Variants in LRRC49 observed in about 807,000 individuals in gnomAD.
LRRC49 encodes leucine rich repeat containing 49, also known as leucine-rich repeat-containing protein 49.
In LRRC49, 50 loss-of-function variants were observed where a neutral mutation model predicts 83.3. The ratio of observed to expected loss-of-function variants is 0.60; its 90% CI spans 0.48 to 0.76. LRRC49 has a LOEUF of 0.76. Among genes scored for constraint, LRRC49 ranks in the 30% least tolerant of loss-of-function variants. The pLI, the probability that LRRC49 is intolerant of heterozygous loss-of-function variation, is 0.00. For missense variants in LRRC49, 704 were observed against 809.1 expected (o/e 0.87, Z 1.58); for synonymous variants, 286 against 283.3 (o/e 1.01, Z -0.10).
At chr15:70,869,677 C>T (rs1194748582) in intron 1 of LRRC49, among the ~76,000 whole-genome samples, 1 of 152,114 alleles carries the variant, frequency 6.6e-6, no homozygotes, top group African/African-American at 2.4e-5. Context: ...AGCAGCCCAC[C>T]CACACAGGCA....
Position 70,895,879 on chromosome 15 carries a change from T to C in LRRC49, c.136T>C (p.Ser46Pro). 1 of 1,611,666 alleles carries C rather than the reference T, an allele frequency of 6.2e-7. No homozygotes were observed. Among genetic ancestry groups the C allele is most frequent in the Non-Finnish European group, 8.5e-7 (1 of 1,178,922 alleles). Reference sequence around the variant, plus strand: ...ATTCAAGCTAAATAAAGACACATCGTCATTCCCCGGTAGACTTTTACAACA... The same window carrying C: ...ATTCAAGCTAAATAAAGACACATCGCCATTCCCCGGTAGACTTTTACAACA... ...VEFKLNKDTS[S>P]FPGRLLQHDL... Residue 46 changes from serine (S) to proline (P), a missense_variant, in exon 3 of 16, where the codon TCA (serine) becomes CCA (proline). By Grantham distance (74) the Ser-to-Pro change is moderately conservative. Coordinates refer to ENST00000260382, the MANE Select transcript of LRRC49 (RefSeq NM_017691.5).
At chr15:70,883,123 C>T (rs1013418848) in intron 2 of LRRC49, among the ~76,000 whole-genome samples, 1 of 152,126 alleles carries the variant, frequency 6.6e-6, no homozygotes, top group Admixed American at 6.5e-5. Flanking sequence ...GAATTCTGGT[C>T]AGCCAGAATG....
chr15:70,963,692 A>C (rs2036690151), intron 8 of LRRC49, 93 bp from the exon 9 acceptor site: 3 of 1,400,472 alleles, frequency 2.1e-6, no homozygotes, highest in Non-Finnish European at 2.9e-6. Flanking sequence ...TTTTTCTGTA[A>C]ATCTAAAACT....
At chr15:70,881,077 A>C (rs1319486156) in intron 2 of LRRC49, among the ~76,000 whole-genome samples, 1 of 152,154 alleles carries the variant, frequency 6.6e-6, no homozygotes, top group Non-Finnish European at 1.5e-5. Flanking sequence ...TTTAAAAAAC[A>C]AATTAGCTGG....
intron 13 of LRRC49, among the ~76,000 whole-genome samples, chr15:71,011,621 G>C (rs993015528): frequency 6.6e-6 from 1 of 152,086 alleles, no homozygotes; most frequent in Non-Finnish European, 1.5e-5. Context: ...AAAAAAGAAT[G>C]ATATTGCTTG....
rs1446412272 is a variant in LRRC49, at chr15:70,969,961, C to G, written c.921+6029C>G. ...GACTCCTGTCTTCCTATCTGAATAC[C>G]CTTTATTTCTTTCTCTTGCCTGATT... On this transcript the variant is annotated intron_variant, in intron 9 of 15. Transcript: ENST00000260382. Among the ~76,000 whole-genome samples the G allele has an allele frequency of 5.9e-5, 9 of 152,034 alleles. No homozygotes were observed. In the South Asian group the frequency reaches 1.0e-3, roughly 17 times the overall value.
chr15:70,893,591 G>T lies in LRRC49; in HGVS notation c.56G>T (p.Cys19Phe), dbSNP rs546360338. 3 of 1,607,830 alleles carry T rather than the reference G, an allele frequency of 1.9e-6. No homozygotes were observed. The highest frequency in any genetic ancestry group is 2.6e-6 in the Non-Finnish European group (3 of 1,176,124). Residue 19 changes from cysteine (C) to phenylalanine (F), a missense_variant, in exon 2 of 16, where the codon TGC (cysteine) becomes TTC (phenylalanine). Cys to Phe is a radical substitution (Grantham distance 205, BLOSUM62 -2). Around this residue, in one of 3 missense-constraint regions of LRRC49, gnomAD observed 261 missense variants for 330.5 expected, o/e 0.79. Coordinates refer to ENST00000260382, the MANE Select transcript of LRRC49 (RefSeq NM_017691.5). The stretch of plus-strand genomic sequence containing the variant: ...TTAATTTTTACATTTCAGGTGAACT[G>T]CGGGCTTCATCTGGTTATTCAAACA... ...VSGRAANNVN[C>F]GLHLVIQTSS...
chr15:71,049,660 G>T lies in LRRC49; in HGVS notation c.*48G>T, dbSNP rs2039962537. 7.7e-7 allele frequency: 1 copy of T among 1,299,046 alleles called. No homozygotes were observed. Among genetic ancestry groups the T allele is most frequent in the Non-Finnish European group, 1.1e-6 (1 of 906,586 alleles). 80.5% of individuals were successfully genotyped at this position (1,299,046 alleles called of 1,614,324 possible). A position where few individuals can be genotyped will look rare whatever the true frequency, so the allele number is the denominator to read the frequency against. ...ATTTTGGCAGTTTTATTTTTTGAAGGTTGAAAATATGCAGGTTATACATGT... is the reference window on the plus strand; with the variant it reads ...ATTTTGGCAGTTTTATTTTTTGAAGTTTGAAAATATGCAGGTTATACATGT... On this transcript the variant is annotated 3_prime_UTR_variant, in exon 16 of 16. Transcript: ENST00000260382.
chr15:70,898,239 T>C, intron 3 of LRRC49: 1 of 585,910 alleles, frequency 1.7e-6, no homozygotes, highest in Admixed American at 2.9e-5. Flanking sequence ...ATTATACTTC[T>C]TAACACTTTG....
chr15:71,008,621 A>G lies in LRRC49; in HGVS notation c.1407+5A>G. 1 of 1,595,370 alleles carries G rather than the reference A, an allele frequency of 6.3e-7. No homozygotes were observed. ...ATTAAGTTTCCTAATTCTCTGGTAA[A>G]TATTTCCTTTTAGTAGTATATTTGA... On this transcript the variant is annotated splice_donor_5th_base_variant and intron_variant, in intron 12 of 15. Transcript: ENST00000260382.
chr15:70,999,993 A>G (rs537618142), intron 11 of LRRC49, among the ~76,000 whole-genome samples: 11 of 152,296 alleles, frequency 7.2e-5, no homozygotes, highest in Middle Eastern at 3.4e-3. Context: ...TTTTGAGAAT[A>G]TGGTCTGCAT....
At chr15:70,882,208 C>A in intron 2 of LRRC49, 1 of 366,808 alleles carries the variant, frequency 2.7e-6, no homozygotes, top group East Asian at 4.4e-5. Flanking sequence ...TGCTTTGTAA[C>A]CTGATTTCTA....
intron 1 of LRRC49, chr15:70,854,115 G>C: frequency 8.1e-7 from 1 of 1,237,834 alleles, no homozygotes; most frequent in East Asian, 3.3e-5. Flanking sequence ...GCGCCGCCGG[G>C]GTCCTCACGC....
chr15:70,918,165 A>T (rs1380996386), intron 6 of LRRC49: 1 of 152,436 alleles, frequency 6.6e-6, no homozygotes, highest in African/African-American at 2.4e-5. Flanking sequence ...AGCAGCCAGC[A>T]TGTCTGACTG....
chr15:70,889,755 A>G (rs1184694964), upstream of LRRC49, among the ~76,000 whole-genome samples: 1 of 152,178 alleles, frequency 6.6e-6, no homozygotes, highest in Non-Finnish European at 1.5e-5. Context: ...AGTGTCTACA[A>G]TAGCTCTTCA....
intron 11 of LRRC49, among the ~76,000 whole-genome samples, chr15:70,999,444 A>T (rs1376286468): frequency 2.6e-5 from 4 of 151,912 alleles, no homozygotes; most frequent in African/African-American, 9.7e-5. Context: ...TCAGTTAGTG[A>T]TTTTCAGAGA....
intron 11 of LRRC49, among the ~76,000 whole-genome samples, chr15:70,991,544 A>G (rs1393724111): frequency 6.6e-6 from 1 of 152,216 alleles, no homozygotes; most frequent in Non-Finnish European, 1.5e-5. Flanking sequence ...GATTTGGTAT[A>G]GTACTCAGCA....
intron 15 of LRRC49, among the ~76,000 whole-genome samples, chr15:71,038,529 T>C (rs368420428): frequency 2.0e-5 from 3 of 152,180 alleles, no homozygotes; most frequent in South Asian, 4.2e-4. Context: ...TTGGAACCCA[T>C]AGGGCTGTAG....
chr15:70,873,287 G>T, intron 2 of LRRC49: 1 of 1,460,314 alleles, frequency 6.8e-7, no homozygotes, highest in South Asian at 1.2e-5. Context: ...TCCCCTCACT[G>T]AACTAAAACA....
Sources: gnomAD v4.1 joint callset for allele counts (sites outside exome capture counted in the v4.1 genomes callset) on GRCh38, gnomAD v4.1.1 for gene constraint, gnomAD v4.1.1 regional missense constraint, MANE v1.5 for transcripts, NCBI Gene and HGNC (gene_info 2026-07-23, HGNC 2026-07-21) for gene names.